Variants in ADAMTS2 observed in about 807,000 individuals in gnomAD.
The protein encoded by ADAMTS2 is A disintegrin and metalloproteinase with thrombospondin motifs 2.
A neutral mutation model predicts 123.0 loss-of-function variants in ADAMTS2; 50 were observed. The ratio of observed to expected loss-of-function variants is 0.41; its 90% CI spans 0.32 to 0.51. The LOEUF is 0.51. ADAMTS2 is among the 20% of genes least tolerant of loss of function. ADAMTS2 has a pLI of 0.35. For synonymous variants in ADAMTS2, 678 were observed against 695.4 expected, an observed-to-expected ratio of 0.98 and a Z score of 0.39; for missense variants, 1,494 against 1,705.2, an observed-to-expected ratio of 0.88 and a Z score of 2.18.
At chr5:179,299,565 A>G (rs1756454799) in intron 2 of ADAMTS2, among the ~76,000 whole-genome samples, 1 of 150,926 alleles carries the variant, frequency 6.6e-6, no homozygotes, top group Admixed American at 6.6e-5. Flanking sequence ...ACACACATTT[A>G]TTATCTGACA....
chr5:179,302,394 A>T (rs1171638917), intron 2 of ADAMTS2, among the ~76,000 whole-genome samples: 3 of 149,824 alleles, frequency 2.0e-5, no homozygotes, highest in African/African-American at 2.5e-5. Flanking sequence ...AAAAAAAAAA[A>T]AAAAAAAAAA....
At chr5:179,122,934 G>A (rs1762790566) in intron 19 of ADAMTS2, 161 bp from the exon 20 acceptor site, 6 of 1,032,350 alleles carry the variant, frequency 5.8e-6, no homozygotes, top group Non-Finnish European at 5.7e-6. Context: ...CCCCACCCTC[G>A]GGGGCAGCCC....
At chr5:179,268,594 T>A (rs1400074460) in intron 3 of ADAMTS2, among the ~76,000 whole-genome samples, 1 of 152,232 alleles carries the variant, frequency 6.6e-6, no homozygotes, top group Non-Finnish European at 1.5e-5. Flanking sequence ...GGCTTCTCTG[T>A]GCACGTGGTC....
At chr5:179,172,523 C>T (rs961626169) in intron 5 of ADAMTS2, among the ~76,000 whole-genome samples, 3 of 152,228 alleles carry the variant, frequency 2.0e-5, no homozygotes, top group African/African-American at 4.8e-5. Context: ...GGGGAGACCA[C>T]GTACCTATGG....
In ADAMTS2 at chr5:179,312,143, A is replaced by C. The variant is rs1192919509; in HGVS notation, c.534+31624T>G. Among the ~76,000 whole-genome samples the C allele has an allele frequency of 2.0e-5, 3 of 152,220 alleles. No individual in the cohort carries two copies. The highest frequency in any genetic ancestry group is 4.4e-5 in the Non-Finnish European group (3 of 68,038). On this transcript the variant is annotated intron_variant, in intron 2 of 21. Transcript: ENST00000251582. The surrounding 1 kb of genome is among the most constrained non-coding windows in gnomAD (Gnocchi z 4.2). ...GCCCCCGAAGACACGTCCGGGTCCC[A>C]ATCCCTGGAACCCATAAATGTTACC...
At chr5:179,252,679 T>A (rs1765956725) in intron 3 of ADAMTS2, among the ~76,000 whole-genome samples, 1 of 152,222 alleles carries the variant, frequency 6.6e-6, no homozygotes, top group Non-Finnish European at 1.5e-5. Flanking sequence ...TGCACTTAAT[T>A]GACCAGTTGT....
At position 179,114,317 on chromosome 5, in the gene ADAMTS2, G is replaced by A. The variant is rs950427186; in HGVS notation, c.3186C>T (p.His1062=). ...SPIRKISSKG[H]CQGDKSIFCR... ...AGAATATTGACTTGTCGCCTTGGCA[G>A]TGGCCCTCTGAAAAAGAAAAGTGGG... The change falls in exon 22 of 22, where the codon CAC becomes CAT. Residue 1062 remains histidine, a synonymous_variant. Coordinates refer to ENST00000251582, the MANE Select transcript of ADAMTS2 (RefSeq NM_014244.5). 6.2e-7 allele frequency: 1 copy of A among 1,613,472 alleles called. No individual in the cohort carries two copies. Among genetic ancestry groups the A allele is most frequent in the Non-Finnish European group, 8.5e-7 (1 of 1,179,870 alleles).
intron 3 of ADAMTS2, among the ~76,000 whole-genome samples, chr5:179,233,398 A>G (rs1281068352): frequency 6.7e-6 from 1 of 149,318 alleles, no homozygotes; most frequent in Non-Finnish European, 1.5e-5. Context: ...AAACAAAAAC[A>G]GCCCGGGCAT....
In ADAMTS2 at chr5:179,137,820, A is replaced by G. The variant is rs371812828; in HGVS notation, c.1900T>C (p.Phe634Leu). The change falls in exon 12 of 22, where the codon TTC (phenylalanine) becomes CTC (leucine). Residue 634 changes from phenylalanine to leucine, a missense_variant. Phe to Leu is a conservative substitution (Grantham distance 22, BLOSUM62 0). Around this residue, in one of 6 missense-constraint regions of ADAMTS2, gnomAD observed 953 missense variants for 1,124.7 expected, o/e 0.85. Coordinates refer to ENST00000251582, the MANE Select transcript of ADAMTS2 (RefSeq NM_014244.5). ...EEQCRQWDLY[F>L]EHGDAQHHWL... ...TGGTGCTGGGCGTCGCCGTGCTCGAAGTACAGGTCCCACTGGCGGCACTGC... is the reference window on the plus strand; with the variant it reads ...TGGTGCTGGGCGTCGCCGTGCTCGAGGTACAGGTCCCACTGGCGGCACTGC... 19 of 1,580,196 alleles carry G rather than the reference A, an allele frequency of 1.2e-5. No individual in the cohort carries two copies. Among genetic ancestry groups the G allele is most frequent in the Non-Finnish European group, 1.6e-5 (19 of 1,164,718 alleles).
At chr5:179,329,908 T>C (rs892402887) in intron 2 of ADAMTS2, among the ~76,000 whole-genome samples, 8 of 151,566 alleles carry the variant, frequency 5.3e-5, no homozygotes, top group East Asian at 1.9e-4. Context: ...GGGTGGATCA[T>C]GAGGTCAGGA....
At chr5:179,222,692 G>A (rs1469934311) in intron 3 of ADAMTS2, among the ~76,000 whole-genome samples, 2 of 152,260 alleles carry the variant, frequency 1.3e-5, no homozygotes, top group Non-Finnish European at 2.9e-5. Context: ...TCACTGAGAT[G>A]GGCTGGGTGG....
At chr5:179,226,194 C>T (rs1765279638) in intron 3 of ADAMTS2, among the ~76,000 whole-genome samples, 1 of 151,858 alleles carries the variant, frequency 6.6e-6, no homozygotes, top group African/African-American at 2.4e-5. Context: ...TTCTTTTCTT[C>T]TTTATCTCTT....
At chr5:179,212,630 C>G (rs138159858) in intron 3 of ADAMTS2, among the ~76,000 whole-genome samples, 2 of 99,292 alleles carry the variant, frequency 2.0e-5, no homozygotes, top group Non-Finnish European at 2.2e-5. Flanking sequence ...GCCCTGAGGG[C>G]GGGTGCAGTG....
At chr5:179,194,579 G>A (rs1764378299) in intron 4 of ADAMTS2, among the ~76,000 whole-genome samples, 1 of 152,170 alleles carries the variant, frequency 6.6e-6, no homozygotes, top group Non-Finnish European at 1.5e-5. Flanking sequence ...AGAACCCGCG[G>A]AGCATGCTAG....
rs1284339752 is a variant in ADAMTS2 at position 179,114,203 on chromosome 5, G to A, written c.3300C>T (p.Thr1100=). 1 of 1,612,068 alleles carries A rather than the reference G, an allele frequency of 6.2e-7. No individual in the cohort carries two copies. Among genetic ancestry groups the A allele is most frequent in the East Asian group, 2.2e-5 (1 of 44,846 alleles). The change falls in exon 22 of 22, where the codon ACC becomes ACT. Residue 1100 remains threonine, a synonymous_variant. Transcript: ENST00000251582. ...CKSCNLYNNL[T]NVEGRIEPPP... ...GTGGCTCTATCCTGCCCTCCACGTT[G>A]GTGAGGTTGTTGTACAGGTTACAGG...
At chr5:179,182,836 C>G (rs894934575) in intron 4 of ADAMTS2, among the ~76,000 whole-genome samples, 4 of 152,106 alleles carry the variant, frequency 2.6e-5, no homozygotes, top group Admixed American at 2.6e-4. Flanking sequence ...GGTCAGCAAC[C>G]CCTGTAGGCG....
In ADAMTS2 at chr5:179,175,033, G is replaced by A. The variant is rs1290504072; in HGVS notation, c.975+6039C>T. 6.6e-6 allele frequency among the ~76,000 whole-genome samples: 1 copy of A among 151,056 alleles called. No individual in the cohort carries two copies. The highest frequency in any genetic ancestry group is 1.9e-4 in the East Asian group (1 of 5,162). On this transcript the variant is annotated intron_variant, in intron 5 of 21. Coordinates refer to ENST00000251582, the MANE Select transcript of ADAMTS2 (RefSeq NM_014244.5). The surrounding 1 kb of genome is among the most constrained non-coding windows in gnomAD (Gnocchi z 4.1). ...TCTTCCTTGCTTGGGTTCCGCAGCT[G>A]TCTCAGCCATTCTTGACCGTTCATG...
chr5:179,310,677 A>C (rs1233845231), intron 2 of ADAMTS2, among the ~76,000 whole-genome samples: 1 of 152,150 alleles, frequency 6.6e-6, no homozygotes, highest in Non-Finnish European at 1.5e-5. Context: ...AGACCAGCTG[A>C]ACTAAAACCT....
intron 10 of ADAMTS2, among the ~76,000 whole-genome samples, chr5:179,149,003 C>G (rs1007127470): frequency 5.3e-5 from 8 of 152,174 alleles, no homozygotes; most frequent in Non-Finnish European, 1.2e-4. Context: ...CAAAGCTCCC[C>G]TCACTCGAGC....
Sources: gnomAD v4.1 joint callset for allele counts (sites outside exome capture counted in the v4.1 genomes callset) on GRCh38, gnomAD v4.1.1 for gene constraint, gnomAD v4.1.1 regional missense constraint, Gnocchi (gnomAD v3.1) non-coding constraint, MANE v1.5 for transcripts, NCBI Gene and HGNC (gene_info 2026-07-23, HGNC 2026-07-21) for gene names.